The following BMPR2 variants were observed in gnomAD, a reference collection of about 807,000 sequenced individuals.
BMPR2 encodes bone morphogenetic protein receptor type-2.
A neutral mutation model predicts 100.8 loss-of-function variants in BMPR2; 29 were observed. That is an observed-to-expected ratio of 0.29 (90% CI 0.21 to 0.39). BMPR2 has a LOEUF of 0.39. Ranked by LOEUF, BMPR2 falls within the 10% of genes least tolerant of loss-of-function variation. BMPR2 has a pLI of 1.00. For synonymous variants in BMPR2, 382 were observed against 442.3 expected, an observed-to-expected ratio of 0.86 and a Z score of 1.71; for missense variants, 1,011 against 1,274.5, an observed-to-expected ratio of 0.79 and a Z score of 3.15.
In BMPR2 at chr2:202,532,796, C is replaced by T. The variant is rs568460169; in HGVS notation, c.1276+64C>T. 2.0e-6 allele frequency: 3 copies of T among 1,524,910 alleles called. No homozygotes were observed. Among genetic ancestry groups the T allele is most frequent in the Non-Finnish European group, 2.7e-6 (3 of 1,123,060 alleles). 94.5% of individuals were successfully genotyped at this position (1,524,910 alleles called of 1,614,324 possible). On this transcript the variant is annotated intron_variant, in intron 9 of 12. Transcript: ENST00000374580. The surrounding 1 kb of genome is among the most constrained non-coding windows in gnomAD (Gnocchi z 4.1). ...AAGCAGTTATATCTTCTTTCTCTAC[C>T]TATAGTACCTAACTCAACTTTTATG...
intron 1 of BMPR2, among the ~76,000 whole-genome samples, chr2:202,435,498 TA>T (rs905829062): frequency 1.3e-5 from 2 of 148,320 alleles, no homozygotes; most frequent in South Asian, 2.1e-4. Flanking sequence ...AACCACAGGT[TA>T]AAAAGTTTAT....
chr2:202,385,652 C>A (rs1690412558), intron 1 of BMPR2, among the ~76,000 whole-genome samples: 1 of 144,474 alleles, frequency 6.9e-6, no homozygotes, highest in African/African-American at 2.5e-5. Context: ...GCGTGAGCCA[C>A]CACGCCTGGC....
At position 202,437,095 on chromosome 2, in the gene BMPR2, T is replaced by A. The variant is rs572645882; in HGVS notation, c.77-27714T>A. Among the ~76,000 whole-genome samples, 351 of 150,542 alleles carry A rather than the reference T, an allele frequency of 2.3e-3. 35 individuals carry two copies. The highest frequency in any genetic ancestry group is 8.4e-3 in the African/African-American group (337 of 39,906). ...ATCTCGGCTCACTGCAACCTCTGTC[T>A]CCCAGGTTCAAGCGATTCTTCTGCC... On this transcript the variant is annotated intron_variant, in intron 1 of 12. Coordinates refer to ENST00000374580, the MANE Select transcript of BMPR2 (RefSeq NM_001204.7).
chr2:202,531,233 G>C (rs979210317), intron 8 of BMPR2, among the ~76,000 whole-genome samples: 5 of 152,198 alleles, frequency 3.3e-5, no homozygotes, highest in African/African-American at 9.6e-5. Context: ...AACCCAGGAG[G>C]AGGAAGTTGC....
intron 5 of BMPR2, among the ~76,000 whole-genome samples, chr2:202,515,895 A>G (rs1293510829): frequency 6.6e-6 from 1 of 152,200 alleles, no homozygotes; most frequent in Non-Finnish European, 1.5e-5. Flanking sequence ...AAAAATAAAA[A>G]AGAAAAAGAA....
intron 1 of BMPR2, among the ~76,000 whole-genome samples, chr2:202,386,012 C>T (rs371933064): frequency 6.6e-6 from 1 of 151,996 alleles, no homozygotes; most frequent in Non-Finnish European, 1.5e-5. Context: ...GTACTTTCTT[C>T]ATTTGGCTTT....
Position 202,434,672 on chromosome 2 carries a change from T to C in BMPR2, c.77-30137T>C, listed in dbSNP as rs138117056. ...TCTTGCTCTGTCACACAGGCTGGAG[T>C]GCAGTGGCTGGCACAATCTTGGCTC... On this transcript the variant is annotated intron_variant, in intron 1 of 12. Coordinates refer to ENST00000374580, the MANE Select transcript of BMPR2 (RefSeq NM_001204.7). Among the ~76,000 whole-genome samples, 12 of 148,584 alleles carry C rather than the reference T, an allele frequency of 8.1e-5. 1 individual carries two copies. In the East Asian group the frequency reaches 2.3e-3, roughly 29 times the overall value.
At position 202,519,018 on chromosome 2, in the gene BMPR2, T is replaced by G. The variant is rs1085307264; in HGVS notation, c.818T>G (p.Met273Arg). ...GAGAGAGTCACTGCAGATGGACGCA[T>G]GGAATATTTGCTTGTGATGGAGTAC... ...GDERVTADGR[M>R]EYLLVMEYYP... Residue 273 changes from methionine to arginine, a missense_variant, in exon 6 of 13, where the codon ATG (methionine) becomes AGG (arginine). Physicochemically the swap from Met to Arg is moderately conservative, Grantham distance 91. This residue lies in a region of BMPR2 where 355 missense variants were observed against 455.3 expected (regional missense o/e 0.78). Coordinates refer to ENST00000374580, the MANE Select transcript of BMPR2 (RefSeq NM_001204.7). 47 of 1,613,994 alleles carry G rather than the reference T, an allele frequency of 2.9e-5. No homozygotes were observed. Among genetic ancestry groups the G allele is most frequent in the Non-Finnish European group, 3.6e-5 (43 of 1,180,016 alleles).
chr2:202,487,127 T>C (rs1692794533), intron 3 of BMPR2, among the ~76,000 whole-genome samples: 1 of 152,232 alleles, frequency 6.6e-6, no homozygotes, highest in Non-Finnish European at 1.5e-5. Context: ...TTTTTAATTA[T>C]GTTCTGAAAA....
In BMPR2 at chr2:202,556,036, A is replaced by G; in HGVS notation, c.2371A>G (p.Met791Val). The change falls in exon 12 of 13, where the codon ATG becomes GTG. Residue 791 changes from methionine to valine, a missense_variant. Physicochemically the swap from Met to Val is conservative, Grantham distance 21. Around this residue, in one of 6 missense-constraint regions of BMPR2, gnomAD observed 508 missense variants for 552.0 expected, o/e 0.92. Transcript: ENST00000374580. ...ACAAGTCGAAACTGGAGTTGCCAAG[A>G]TGAATACAATCAATGCAGCAGAACC... ...LKQVETGVAK[M>V]NTINAAEPHV... 1 of 1,614,214 alleles carries G rather than the reference A, an allele frequency of 6.2e-7. No individual in the cohort carries two copies. The highest frequency in any genetic ancestry group is 8.5e-7 in the Non-Finnish European group (1 of 1,180,044).
intron 3 of BMPR2, 87 bp from the exon 4 acceptor site, chr2:202,513,632 T>C: frequency 1.1e-6 from 1 of 927,212 alleles, no homozygotes. Context: ...TATACATGGG[T>C]ACAGCCTTTC....
chr2:202,562,607 T>C lies in BMPR2; in HGVS notation c.*2661T>C, dbSNP rs1267565524. 1 of 152,262 alleles carries C rather than the reference T, an allele frequency of 6.6e-6. No homozygotes were observed. Among genetic ancestry groups the C allele is most frequent in the African/African-American group, 2.4e-5 (1 of 41,436 alleles). The allele number at this position is 152,262 out of a possible 1,614,324, so 9.4% of individuals were successfully genotyped here. On this transcript the variant is annotated 3_prime_UTR_variant, in exon 13 of 13. Coordinates refer to ENST00000374580, the MANE Select transcript of BMPR2 (RefSeq NM_001204.7). ...TCACAAAGTTTTATATGTAGAAAAG[T>C]GGGGTCCTTTTGAATAAAAGATCAT...
chr2:202,400,215 C>T (rs1690742280), intron 1 of BMPR2, among the ~76,000 whole-genome samples: 1 of 152,062 alleles, frequency 6.6e-6, no homozygotes, highest in Non-Finnish European at 1.5e-5. Flanking sequence ...AATCATAGTT[C>T]ACTGCAACCT....
At position 202,498,405 on chromosome 2, in the gene BMPR2, C is replaced by T. The variant is rs573081744; in HGVS notation, c.419-15314C>T. Among the ~76,000 whole-genome samples the T allele has an allele frequency of 3.0e-3, 449 of 151,802 alleles. 2 individuals carry two copies. Among genetic ancestry groups the T allele is most frequent in the African/African-American group, 0.01 (434 of 41,372 alleles). ...ATTCCGATCAGCAGGGTCCAGGGAC[C>T]GTTGCAGGTTCTTGGGCAGGGGTTG... On this transcript the variant is annotated intron_variant, in intron 3 of 12. Transcript: ENST00000374580.
chr2:202,539,807 C>T (rs1688239280), intron 9 of BMPR2, among the ~76,000 whole-genome samples: 2 of 152,082 alleles, frequency 1.3e-5, no homozygotes, highest in South Asian at 2.1e-4. Flanking sequence ...ACAAGTGGCA[C>T]ATGGGGTGAG....
At chr2:202,461,766 TAAG>T (rs943569296) in intron 1 of BMPR2, among the ~76,000 whole-genome samples, 1 of 152,118 alleles carries the variant, frequency 6.6e-6, no homozygotes, top group Non-Finnish European at 1.5e-5. Flanking sequence ...TAGCTAATGA[TAAG>T]AAAAAAAGAA....
chr2:202,544,761 C>CTTTTTTTTTTTTTTT (rs56654364), intron 10 of BMPR2, among the ~76,000 whole-genome samples: 7 of 82,712 alleles, frequency 8.5e-5, no homozygotes, highest in Admixed American at 1.5e-4. Flanking sequence ...CTTTTTCTTT[C>CTTTTTTTTTTTTTTT]TTTTTTTTTT....
chr2:202,485,545 C>CTTTGTTTTTTTTTTTTTTTTTTTTT (rs1692756690), intron 3 of BMPR2, among the ~76,000 whole-genome samples: 1 of 64,010 alleles, frequency 1.6e-5, no homozygotes, highest in African/African-American at 5.7e-5. Context: ...TTGCCTTTAT[C>CTTTGTTTTTTTTTTTTTTTTTTTTT]TTTTTTTTTT....
Position 202,532,517 on chromosome 2 carries a change from T to C in BMPR2, c.1129-68T>C. 6.5e-7 allele frequency: 1 copy of C among 1,544,648 alleles called. No homozygotes were observed. The highest frequency in any genetic ancestry group is 8.9e-7 in the Non-Finnish European group (1 of 1,119,942). On this transcript the variant is annotated intron_variant, in intron 8 of 12. Transcript: ENST00000374580. The surrounding 1 kb of genome is among the most constrained non-coding windows in gnomAD (Gnocchi z 4.1). ...ATGACTAAGATTTATATATAACTTC[T>C]GGTCTAATGTCTGTTCTTCAGAATA...
Sources: allele counts gnomAD v4.1 joint callset (sites outside exome capture counted in the v4.1 genomes callset), GRCh38; gene constraint gnomAD v4.1.1; regional missense constraint gnomAD v4.1.1; non-coding constraint Gnocchi (gnomAD v3.1); transcripts MANE v1.5; gene names NCBI Gene and HGNC (gene_info 2026-07-23, HGNC 2026-07-21).